Variants in GRM6 observed in about 807,000 individuals in gnomAD.
The protein encoded by GRM6 is glutamate metabotropic receptor 6.
A neutral mutation model predicts 78.4 loss-of-function variants in GRM6; 73 were observed. The ratio of observed to expected loss-of-function variants is 0.93; its 90% CI spans 0.77 to 1.13. The LOEUF (loss-of-function observed/expected upper bound fraction) is 1.13. Among genes scored for constraint, GRM6 ranks in the 50% most tolerant of loss-of-function variants. The pLI is 0.00. For synonymous variants in GRM6, 580 were observed against 555.0 expected (o/e 1.05, Z -0.63); for missense variants, 1,251 against 1,256.4 (o/e 1.00, Z 0.07).
At chr5:178,984,813 G>T (rs1188385499) in intron 9 of GRM6, among the ~76,000 whole-genome samples, 2 of 152,130 alleles carry the variant, frequency 1.3e-5, no homozygotes, top group Admixed American at 1.3e-4. Flanking sequence ...CGCCGGGAGT[G>T]GACAGCACCG....
At position 178,981,543 on chromosome 5, in the gene GRM6, G is replaced by C. The variant is rs17078852; in HGVS notation, c.*114C>G. On this transcript the variant is annotated 3_prime_UTR_variant, in exon 11 of 11. Transcript: ENST00000517717. The surrounding 1 kb of genome is among the most constrained non-coding windows in gnomAD (Gnocchi z 5.1). ...CCCCACCGACGCGGAGCATGGTCTT[G>C]GCAAACTCCCTGCCACTGACTGTTC... 0.044 allele frequency: 35,236 copies of C among 809,564 alleles called. 1,261 individuals carry two copies. Among genetic ancestry groups the C allele is most frequent in the East Asian group, 0.16 (5,969 of 38,184 alleles). The allele number at this position is 809,564 out of a possible 1,614,324, so 50.1% of individuals were successfully genotyped here. A position where few individuals can be genotyped will look rare whatever the true frequency, so the allele number is the denominator to read the frequency against.
intron 7 of GRM6, chr5:178,987,270 T>C (rs761691667): frequency 1.7e-6 from 1 of 586,990 alleles, no homozygotes; most frequent in Non-Finnish European, 3.2e-6. Flanking sequence ...TGGAGCCTCC[T>C]CAAAAGATTA....
At chr5:178,982,604 A>AG (rs1760418326) in intron 10 of GRM6, among the ~76,000 whole-genome samples, 3 of 131,196 alleles carry the variant, frequency 2.3e-5, no homozygotes, top group African/African-American at 8.5e-5. Flanking sequence ...AAAAAAAAAA[A>AG]GCATATGAAG....
Position 178,986,563 on chromosome 5 carries a change from GGCCTCATGTC to G in GRM6, c.1681_1690del (p.Asp561ProfsTer16). 1 of 1,607,876 alleles carries G rather than the reference GGCCTCATGTC, an allele frequency of 6.2e-7. No homozygotes were observed. The highest frequency in any genetic ancestry group is 8.5e-7 in the Non-Finnish European group (1 of 1,179,598). On this transcript the variant is annotated frameshift_variant, in exon 9 of 11. Transcript: ENST00000517717. LOFTEE classifies it high-confidence loss of function. ...GCGGCAGCCCGTGTGGTTGGGCGTG[GGCCTCATGTC>G]CCCAGGACAGGCCTCGCATGTGAAC...
chr5:178,985,711 A>AAAC (rs1374217344), intron 9 of GRM6: 1 of 416,354 alleles, frequency 2.4e-6, no homozygotes, highest in Admixed American at 3.0e-5. Context: ...TAAAAAAAAA[A>AAAC]AAACAAAACA....
intron 4 of GRM6, among the ~76,000 whole-genome samples, 172 bp from the exon 5 acceptor site, chr5:178,990,918 G>C (rs1561720144): frequency 2.0e-5 from 3 of 152,134 alleles, no homozygotes; most frequent in Non-Finnish European, 4.4e-5. Flanking sequence ...GCTTTCCTCT[G>C]ACCCTAGGCC....
intron 7 of GRM6, chr5:178,987,443 C>CGGG (rs1561718460): frequency 2.2e-6 from 1 of 457,600 alleles, no homozygotes; most frequent in Non-Finnish European, 4.4e-6. Context: ...ACGAACACGA[C>CGGG]GGGGCCATTC....
intron 9 of GRM6, 70 bp downstream of exon 9, chr5:178,986,058 GGC>G (rs1376856164): frequency 7.1e-7 from 1 of 1,400,960 alleles, no homozygotes; most frequent in East Asian, 2.4e-5. Context: ...CACTGTGCCT[GGC>G]CCTTTTGGCT....
At position 178,981,788 on chromosome 5, in the gene GRM6, G is replaced by A. The variant is rs1760399937; in HGVS notation, c.2503C>T (p.Leu835Phe). The change falls in exon 11 of 11, where the codon CTC (leucine) becomes TTC (phenylalanine). Residue 835 changes from leucine (L) to phenylalanine (F), a missense_variant. Transcript: ENST00000517717. This position sits in a 1 kb window ranked among gnomAD's most constrained non-coding sequence, Gnocchi z 5.1. ...SLSASVSLGM[L>F]YVPKTYVILF... ...ATGACGTAGGTTTTGGGTACGTAGA[G>A]CATGCCGAGGGACACCGAGGCACTC... 1.2e-6 allele frequency: 2 copies of A among 1,612,472 alleles called. No homozygotes were observed. The highest frequency in any genetic ancestry group is 1.3e-5 in the African/African-American group (1 of 74,910).
At chr5:178,993,213 A>AT (rs1345926073) in intron 2 of GRM6, among the ~76,000 whole-genome samples, 32 of 152,306 alleles carry the variant, frequency 2.1e-4, no homozygotes, top group African/African-American at 7.2e-4. Context: ...CACAACCTCA[A>AT]TCTGGGCTGA....
chr5:178,994,327 G>A, intron 2 of GRM6, 114 bp downstream of exon 2: 2 of 902,178 alleles, frequency 2.2e-6, no homozygotes, highest in South Asian at 2.2e-5. Context: ...GTGTGAATTC[G>A]AGTGATTAAA....
rs1207273190 is a variant in GRM6, at chr5:178,992,339, C to T, written c.505-256G>A. The T allele has an allele frequency of 1.6e-6, 1 of 632,046 alleles. No homozygotes were observed. Among genetic ancestry groups the T allele is most frequent in the Admixed American group, 2.1e-5 (1 of 47,656 alleles). 39.2% of individuals were successfully genotyped at this position (632,046 alleles called of 1,614,324 possible). A position where few individuals can be genotyped will look rare whatever the true frequency, so the allele number is the denominator to read the frequency against. On this transcript the variant is annotated intron_variant, in intron 2 of 10. Coordinates refer to ENST00000517717, the MANE Select transcript of GRM6 (RefSeq NM_000843.4). This position sits in a 1 kb window ranked among gnomAD's most constrained non-coding sequence, Gnocchi z 4.9. ...CTGTGCAGGTGGGAGGTATGCAGGGCTGGGGAGAGGGCAGGACCGCCACAT... is the reference window on the plus strand; with the variant it reads ...CTGTGCAGGTGGGAGGTATGCAGGGTTGGGGAGAGGGCAGGACCGCCACAT...
At chr5:178,985,775 G>C in intron 9 of GRM6, 1 of 474,808 alleles carries the variant, frequency 2.1e-6, no homozygotes, top group Non-Finnish European at 4.1e-6. Context: ...TTATCTTTTT[G>C]TTTTGAGACA....
chr5:178,984,848 G>A (rs1295655985), intron 9 of GRM6, among the ~76,000 whole-genome samples: 1 of 152,128 alleles, frequency 6.6e-6, no homozygotes, highest in Non-Finnish European at 1.5e-5. Flanking sequence ...GGGTGAGCAG[G>A]TGTTCGCACT....
At chr5:178,989,795 G>C (rs1389591355) in intron 5 of GRM6, 1 of 340,932 alleles carries the variant, frequency 2.9e-6, no homozygotes, top group East Asian at 7.5e-5. Context: ...GCCATCTTGT[G>C]ACTATGAGAC....
In GRM6 at chr5:178,990,619, T is replaced by A; in HGVS notation, c.985A>T (p.Ile329Phe). The change falls in exon 5 of 11, where the codon ATC (isoleucine) becomes TTC (phenylalanine). Residue 329 changes from isoleucine to phenylalanine, a missense_variant. Coordinates refer to ENST00000517717, the MANE Select transcript of GRM6 (RefSeq NM_000843.4). ...LEDVAVGAIT[I>F]LPKRASIDGF... ...TCGATGGAGGCCCTTTTGGGCAGGA[T>A]GGTGATGGCCCCAACGGCCACGTCC... The A allele has an allele frequency of 6.2e-7, 1 of 1,613,160 alleles. No individual in the cohort carries two copies. Among genetic ancestry groups the A allele is most frequent in the Non-Finnish European group, 8.5e-7 (1 of 1,179,872 alleles).
At chr5:178,995,036 A>T in intron 1 of GRM6, 76 bp from the exon 2 acceptor site, 2 of 839,162 alleles carry the variant, frequency 2.4e-6, no homozygotes, top group Non-Finnish European at 2.9e-6. Context: ...GCGGGGAGGG[A>T]CACCGGGGTC....
At chr5:178,982,109 C>T (rs116585300) in intron 10 of GRM6, among the ~76,000 whole-genome samples, 3,871 of 152,152 alleles carry the variant, frequency 0.025, 79 homozygotes, top group South Asian at 0.074. Context: ...AAGCGGGAGC[C>T]GGGGCATGTC....
At position 178,992,765 on chromosome 5, in the gene GRM6, G is replaced by T. The variant is rs966594260; in HGVS notation, c.505-682C>A. Among the ~76,000 whole-genome samples, 1 of 152,036 alleles carries T rather than the reference G, an allele frequency of 6.6e-6. No individual in the cohort carries two copies. Among genetic ancestry groups the T allele is most frequent in the Non-Finnish European group, 1.5e-5 (1 of 68,004 alleles). On this transcript the variant is annotated intron_variant, in intron 2 of 10. Coordinates refer to ENST00000517717, the MANE Select transcript of GRM6 (RefSeq NM_000843.4). The surrounding 1 kb of genome is among the most constrained non-coding windows in gnomAD (Gnocchi z 4.9). Reference sequence around the variant, plus strand: ...AGCTGGTGTGAAGGCCAGAGAGGGGGAGTTTCTGGAAGGAGGGAGGGGGGC... The same window carrying T: ...AGCTGGTGTGAAGGCCAGAGAGGGGTAGTTTCTGGAAGGAGGGAGGGGGGC...
Sources: allele counts gnomAD v4.1 joint callset (sites outside exome capture counted in the v4.1 genomes callset), GRCh38; gene constraint gnomAD v4.1.1; non-coding constraint Gnocchi (gnomAD v3.1); transcripts MANE v1.5; gene names NCBI Gene and HGNC (gene_info 2026-07-23, HGNC 2026-07-21).